Variants in TMEM101 observed in about 807,000 individuals in gnomAD.
The protein encoded by TMEM101 is putative NF-kappa-B-activating protein 130.
TMEM101 carries 14 observed loss-of-function variants against 26.0 expected under a neutral mutation model. The observed-to-expected ratio is 0.54, with a 90% CI of 0.36 to 0.84. The LOEUF (loss-of-function observed/expected upper bound fraction) is 0.84, where lower values mean the gene tolerates loss of function less well. Ranked by LOEUF, TMEM101 falls within the 40% of genes least tolerant of loss-of-function variation. The pLI is 0.01. For synonymous variants in TMEM101, 152 were observed against 145.1 expected, an observed-to-expected ratio of 1.05 and a Z score of -0.34; for missense variants, 292 against 345.1, an observed-to-expected ratio of 0.85 and a Z score of 1.22.
Position 44,014,524 on chromosome 17 carries a change from G to A in TMEM101, c.151C>T (p.Pro51Ser). ...ATGTCGAAATACAGGTAAGGCACTG[G>A]GATGTCGGGCTTCCTGCGAGCCGGG... is the stretch of plus-strand genomic sequence containing the variant. Reference protein sequence around the residue: ...RAEARRKPDIPVPYLYFDMGA... With the variant: ...RAEARRKPDISVPYLYFDMGA... The change falls in exon 2 of 4, where the codon CCA becomes TCA. Residue 51 changes from proline to serine, a missense_variant. Physicochemically the swap from Pro to Ser is moderately conservative, Grantham distance 74 (BLOSUM62 -1). Coordinates refer to ENST00000206380, the MANE Select transcript of TMEM101 (RefSeq NM_032376.4). 1 of 1,570,018 alleles carries A rather than the reference G, an allele frequency of 6.4e-7. No individual in the cohort carries two copies. The highest frequency in any genetic ancestry group is 1.3e-5 in the African/African-American group (1 of 74,418).
intron 2 of TMEM101, among the ~76,000 whole-genome samples, chr17:44,014,062 T>C (rs891678346): frequency 1.3e-5 from 2 of 152,230 alleles, no homozygotes; most frequent in Non-Finnish European, 2.9e-5. Context: ...GTTTAAAAGA[T>C]TCTGGGAACC....
At chr17:44,017,764 C>A (rs952419466), upstream of TMEM101, among the ~76,000 whole-genome samples, 340 of 125,682 alleles carry the variant, frequency 2.7e-3, no homozygotes, top group South Asian at 4.1e-3. Flanking sequence ...ACTCTTGTCT[C>A]AAAAAAAAAA....
chr17:44,015,144 C>T (rs939662452), upstream of TMEM101: 1 of 618,410 alleles, frequency 1.6e-6, no homozygotes, highest in Admixed American at 3.6e-5. Context: ...GCCTTCAGGG[C>T]CATATTTGTC....
chr17:44,011,915 C>CT lies in TMEM101; in HGVS notation c.*12dup, dbSNP rs1281935872. On this transcript the variant is annotated 3_prime_UTR_variant, in exon 4 of 4. Transcript: ENST00000206380. ...TGGCTCCCTGTGCCCATCTCAGCCTCTTGCCATAAAACTCAGCCATCAGTG... is the reference window on the plus strand; with the variant it reads ...TGGCTCCCTGTGCCCATCTCAGCCTCTTTGCCATAAAACTCAGCCATCAGTG... 5.0e-6 allele frequency: 8 copies of CT among 1,594,344 alleles called. No individual in the cohort carries two copies. The Admixed American group carries it at 5.1e-5, about 10-fold the overall frequency.
At chr17:44,014,983 C>A (rs1365443857), upstream of TMEM101, 1 of 1,574,356 alleles carries the variant, frequency 6.4e-7, no homozygotes, top group Non-Finnish European at 8.6e-7. Flanking sequence ...TGCGGCCTCA[C>A]CCCAGTCAGA....
chr17:44,013,638 G>A (rs1344161700), intron 2 of TMEM101, among the ~76,000 whole-genome samples: 7 of 152,166 alleles, frequency 4.6e-5, no homozygotes, highest in Admixed American at 4.6e-4. Context: ...CAGCCTGGGC[G>A]ACGGAGAGAG....
chr17:44,014,984 C>T (rs762539204), upstream of TMEM101: 2 of 1,574,408 alleles, frequency 1.3e-6, no homozygotes, highest in Middle Eastern at 1.7e-4. Flanking sequence ...GCGGCCTCAC[C>T]CCAGTCAGAG....
chr17:44,015,461 TTGGC>T (rs2049221253), upstream of TMEM101, among the ~76,000 whole-genome samples: 1 of 152,204 alleles, frequency 6.6e-6, no homozygotes, highest in South Asian at 2.1e-4. Context: ...TGGCACGATC[TTGGC>T]TCACTGTAAC....
chr17:44,022,614 A>G (rs1408646777), intron 1 of TMEM101, among the ~76,000 whole-genome samples: 1 of 152,194 alleles, frequency 6.6e-6, no homozygotes, highest in Non-Finnish European at 1.5e-5. Context: ...ACCAACTGGG[A>G]TTCCCTGCAG....
intron 3 of TMEM101, 37 bp from the exon 4 acceptor site, chr17:44,012,273 C>T: frequency 1.3e-6 from 2 of 1,563,774 alleles, no homozygotes; most frequent in Middle Eastern, 1.8e-4. Context: ...CTCCAACAGG[C>T]TCAGAAGCCT....
chr17:44,022,688 C>T (rs2049296343), intron 1 of TMEM101, among the ~76,000 whole-genome samples: 1 of 152,156 alleles, frequency 6.6e-6, no homozygotes, highest in African/African-American at 2.4e-5. Flanking sequence ...AAGGCCAATT[C>T]CCTTGGACCA....
At chr17:44,021,648 C>T (rs903278587) in intron 1 of TMEM101, among the ~76,000 whole-genome samples, 2 of 152,220 alleles carry the variant, frequency 1.3e-5, no homozygotes, top group Non-Finnish European at 2.9e-5. Flanking sequence ...CCTCTGGCCT[C>T]CTCCTGAAGA....
chr17:44,011,849 AGC>A lies in TMEM101; in HGVS notation c.*77_*78del. ...AACAGACCAAAAAGCATAAATAAACAGCAGCTGGGCCAGCAAGGAGGAAGGCA... is the reference window on the plus strand; with the variant it reads ...AACAGACCAAAAAGCATAAATAAACAAGCTGGGCCAGCAAGGAGGAAGGCA... On this transcript the variant is annotated 3_prime_UTR_variant, in exon 4 of 4. Transcript: ENST00000206380. The A allele has an allele frequency of 7.2e-7, 1 of 1,392,342 alleles. No individual in the cohort carries two copies. Among genetic ancestry groups the A allele is most frequent in the South Asian group, 1.4e-5 (1 of 73,562 alleles). 86.2% of individuals were successfully genotyped at this position (1,392,342 alleles called of 1,614,324 possible).
upstream of TMEM101, among the ~76,000 whole-genome samples, chr17:44,016,857 G>A (rs916585028): frequency 1.1e-4 from 16 of 152,188 alleles, no homozygotes; most frequent in Non-Finnish European, 2.1e-4. Flanking sequence ...GTGTTGGGCT[G>A]GGCGCGGTGG....
At chr17:44,019,392 CGAG>C, upstream of TMEM101, 3 of 372,180 alleles carry the variant, frequency 8.1e-6, no homozygotes, top group Non-Finnish European at 1.6e-5. Flanking sequence ...CGTGCACAGA[CGAG>C]GAGAGGTCTC....
chr17:44,016,697 TAC>T (rs1259135246), upstream of TMEM101, among the ~76,000 whole-genome samples: 3 of 152,310 alleles, frequency 2.0e-5, no homozygotes, highest in Non-Finnish European at 4.4e-5. Flanking sequence ...GTAAGAGAAA[TAC>T]AGTTTCCACT....
upstream of TMEM101, chr17:44,015,080 T>G: frequency 1.5e-6 from 2 of 1,347,034 alleles, no homozygotes; most frequent in Non-Finnish European, 2.0e-6. Context: ...ATTCTCTAGT[T>G]CCGGATCTAA....
rs764113941 is a variant in TMEM101, at chr17:44,012,149, C to T, written c.553G>A (p.Val185Met). The T allele has an allele frequency of 1.9e-5, 30 of 1,614,106 alleles. No homozygotes were observed. Among genetic ancestry groups the T allele is most frequent in the Non-Finnish European group, 1.9e-5 (23 of 1,180,050 alleles). Reference protein sequence around the residue: ...GGELMIQLFFVLYGILALAFL... With the variant: ...GGELMIQLFFMLYGILALAFL... Reference sequence around the variant, plus strand: ...GCCAGGGCCAGGATGCCATACAGCACGAAGAACAGCTGGATCATCAGCTCC... The same window carrying T: ...GCCAGGGCCAGGATGCCATACAGCATGAAGAACAGCTGGATCATCAGCTCC... Residue 185 changes from valine (V) to methionine (M), a missense_variant, in exon 4 of 4, where the codon GTG (valine) becomes ATG (methionine). Coordinates refer to ENST00000206380, the MANE Select transcript of TMEM101 (RefSeq NM_032376.4).
At chr17:44,018,951 T>C (rs1329998593), upstream of TMEM101, among the ~76,000 whole-genome samples, 3 of 152,056 alleles carry the variant, frequency 2.0e-5, no homozygotes, top group African/African-American at 7.2e-5. Flanking sequence ...GATGCTGGCA[T>C]GCTATCAGGC....
Sources: allele counts gnomAD v4.1 joint callset (sites outside exome capture counted in the v4.1 genomes callset), GRCh38; gene constraint gnomAD v4.1.1; transcripts MANE v1.5; gene names NCBI Gene and HGNC (gene_info 2026-07-23, HGNC 2026-07-21).